Variants in ITGB4 observed in about 807,000 individuals in gnomAD.
ITGB4 encodes the protein integrin subunit beta 4, also known as integrin beta-4.
In ITGB4, 159 loss-of-function variants were observed where a neutral mutation model predicts 207.6. The observed-to-expected ratio is 0.77, with a 90% CI of 0.67 to 0.87. The LOEUF (loss-of-function observed/expected upper bound fraction) is 0.87. Ranked by LOEUF, ITGB4 falls within the 40% of genes least tolerant of loss-of-function variation. ITGB4 has a pLI of 0.00. For missense variants in ITGB4, 2,278 were observed against 2,546.8 expected, an observed-to-expected ratio of 0.89 and a Z score of 2.27; for synonymous variants, 1,020 against 1,062.7, an observed-to-expected ratio of 0.96 and a Z score of 0.78.
rs754928796 is a variant in ITGB4 at position 75,728,454 on chromosome 17, A to G, written c.547A>G (p.Thr183Ala). ...TGTGGACAAAGTCAGCGTCCCGCAGACGGACATGAGGCCTGAGAAGTAAGT... is the reference window on the plus strand; with the variant it reads ...TGTGGACAAAGTCAGCGTCCCGCAGGCGGACATGAGGCCTGAGAAGTAAGT... ...KFVDKVSVPQ[T>A]DMRPEKLKEP... Residue 183 changes from threonine to alanine, a missense_variant, in exon 6 of 40, where the codon ACG (threonine) becomes GCG (alanine). Physicochemically the swap from Thr to Ala is moderately conservative, Grantham distance 58 (BLOSUM62 0). Transcript: ENST00000200181. The G allele has an allele frequency of 1.2e-6, 2 of 1,613,942 alleles. No homozygotes were observed.
Position 75,722,923 on chromosome 17 carries a change from T to TAC in ITGB4, c.-11+1311_-11+1312insAC, listed in dbSNP as rs1487296418. 6.6e-6 allele frequency among the ~76,000 whole-genome samples: 1 copy of TAC among 152,020 alleles called. No individual in the cohort carries two copies. Among genetic ancestry groups the TAC allele is most frequent in the Non-Finnish European group, 1.5e-5 (1 of 67,980 alleles). On this transcript the variant is annotated intron_variant, in intron 1 of 39. Transcript: ENST00000200181. This position sits in a 1 kb window ranked among gnomAD's most constrained non-coding sequence, Gnocchi z 6.2. ...GTCCGGGCCGCCTGGAGAGTAGGTG[T>TAC]CCTGAGCGCTGGGCCCAGCCCATCG...
rs746615673 is a variant in ITGB4, at chr17:75,737,529, C to T, written c.2114-9C>T. ...CAGGCACCACCTCCCCCTGCCTCCT[C>T]CTCTCCAGACTGCCCTCCGGGCTCC... is the stretch of plus-strand genomic sequence containing the variant. On this transcript the variant is annotated splice_polypyrimidine_tract_variant and intron_variant, in intron 17 of 39. Transcript: ENST00000200181. 50 of 1,565,638 alleles carry T rather than the reference C, an allele frequency of 3.2e-5. No individual in the cohort carries two copies. The highest frequency in any genetic ancestry group is 4.2e-5 in the Non-Finnish European group (49 of 1,155,808).
In ITGB4 at chr17:75,729,959, A is replaced by C. The variant is rs1779821897; in HGVS notation, c.739-282A>C. Among the ~76,000 whole-genome samples the C allele has an allele frequency of 6.6e-6, 1 of 152,212 alleles. No individual in the cohort carries two copies. Among genetic ancestry groups the C allele is most frequent in the Admixed American group, 6.5e-5 (1 of 15,286 alleles). ...AGGATTTGAGACCAGCCTGGGAAACATGGCAAGACCCTGTCTCTACAGAAA... is the reference window on the plus strand; with the variant it reads ...AGGATTTGAGACCAGCCTGGGAAACCTGGCAAGACCCTGTCTCTACAGAAA... On this transcript the variant is annotated intron_variant, in intron 7 of 39. Coordinates refer to ENST00000200181, the MANE Select transcript of ITGB4 (RefSeq NM_000213.5). The surrounding 1 kb of genome is among the most constrained non-coding windows in gnomAD (Gnocchi z 4.4).
intron 26 of ITGB4, among the ~76,000 whole-genome samples, chr17:75,747,486 A>G (rs1021670724): frequency 6.6e-6 from 1 of 152,224 alleles, no homozygotes; most frequent in Non-Finnish European, 1.5e-5. Flanking sequence ...CCCAAAAAAT[A>G]TATAAAATAA....
At chr17:75,723,834 A>G (rs2060663969) in intron 1 of ITGB4, among the ~76,000 whole-genome samples, 1 of 152,260 alleles carries the variant, frequency 6.6e-6, no homozygotes, top group Admixed American at 6.5e-5. Context: ...CCGGCCTTGC[A>G]GGCCTGGATG....
In ITGB4 at chr17:75,731,188, T is replaced by C. The variant is rs2060848191; in HGVS notation, c.1093-58T>C. ...GCATGATGCCAGCCACACTTGGAGG[T>C]TGGGGTGGAGCACAGAGGCCCCCCA... On this transcript the variant is annotated intron_variant, in intron 9 of 39. Transcript: ENST00000200181. The surrounding 1 kb of genome is among the most constrained non-coding windows in gnomAD (Gnocchi z 6.8). 6.2e-7 allele frequency: 1 copy of C among 1,611,866 alleles called. No individual in the cohort carries two copies.
Position 75,750,538 on chromosome 17 carries a change from G to A in ITGB4, c.3475-142G>A, listed in dbSNP as rs1016701832. 35 of 855,210 alleles carry A rather than the reference G, an allele frequency of 4.1e-5. No individual in the cohort carries two copies. Among genetic ancestry groups the A allele is most frequent in the African/African-American group, 3.3e-4 (20 of 59,934 alleles). The allele number at this position is 855,210 out of a possible 1,614,324, so 53.0% of individuals were successfully genotyped here. A position where few individuals can be genotyped will look rare whatever the true frequency, so the allele number is the denominator to read the frequency against. On this transcript the variant is annotated intron_variant, in intron 28 of 39. Transcript: ENST00000200181. This position sits in a 1 kb window ranked among gnomAD's most constrained non-coding sequence, Gnocchi z 5.5. Reference sequence around the variant, plus strand: ...CCACCTGCTCTGCCCTAGTCCTGACGTGTGCACATGGCAGATCTCTCAGCC... The same window carrying A: ...CCACCTGCTCTGCCCTAGTCCTGACATGTGCACATGGCAGATCTCTCAGCC...
rs184326421 is a variant in ITGB4 at position 75,756,682 on chromosome 17, G to A, written c.4898-22G>A. 7.7e-5 allele frequency: 124 copies of A among 1,613,344 alleles called. No individual in the cohort carries two copies. The African/African-American group carries it at 1.5e-3, about 19-fold the overall frequency. On this transcript the variant is annotated intron_variant, in intron 36 of 39. Coordinates refer to ENST00000200181, the MANE Select transcript of ITGB4 (RefSeq NM_000213.5). ...GCCCACCACCCACCCACAGGCTGAT[G>A]CTCTTCCTCTACTGCCCCCAGGCTC... is the stretch of plus-strand genomic sequence containing the variant.
At chr17:75,730,633 C>A in intron 8 of ITGB4, 129 bp downstream of exon 8, 1 of 1,122,852 alleles carries the variant, frequency 8.9e-7, no homozygotes, top group Non-Finnish European at 1.3e-6. Context: ...TCTTTTCCTC[C>A]CTTTCCTTCC....
At chr17:75,748,065 CT>C (rs890002028) in intron 26 of ITGB4, among the ~76,000 whole-genome samples, 1 of 152,048 alleles carries the variant, frequency 6.6e-6, no homozygotes, top group Non-Finnish European at 1.5e-5. Flanking sequence ...CTCAGGCATG[CT>C]CCACGGCACT....
At chr17:75,730,558 A>T in intron 8 of ITGB4, 54 bp downstream of exon 8, 1 of 1,594,762 alleles carries the variant, frequency 6.3e-7, no homozygotes, top group Non-Finnish European at 8.6e-7. Context: ...GGGTCCATGG[A>T]GCTTCTCAGA....
rs1460881473 is a variant in ITGB4 at position 75,740,443 on chromosome 17, C to T, written c.2532C>T (p.Arg844=). 1.1e-5 allele frequency: 18 copies of T among 1,613,504 alleles called. No homozygotes were observed. Among genetic ancestry groups the T allele is most frequent in the Non-Finnish European group, 1.5e-5 (18 of 1,179,948 alleles). ...ACACTCGGGAGTGCGCCCAGCTGCG[C>T]CAGGAGGTGGAGGAGAACGTAAGGA... ...KPDTRECAQL[R]QEVEENLNEV... Residue 844 remains arginine, a synonymous_variant, in exon 21 of 40, where the codon CGC becomes CGT. Transcript: ENST00000200181. The surrounding 1 kb of genome is among the most constrained non-coding windows in gnomAD (Gnocchi z 5.9).
rs539761983 is a variant in ITGB4 at position 75,732,605 on chromosome 17, G to A, written c.1454+366G>A. Among the ~76,000 whole-genome samples the A allele has an allele frequency of 9.2e-5, 14 of 152,202 alleles. No homozygotes were observed. Among genetic ancestry groups the A allele is most frequent in the Non-Finnish European group, 1.3e-4 (9 of 68,014 alleles). ...ATCAGAAGAGAGCTCGTAAATGCAC[G>A]GCAGTAAGGGCTTTAGCTTCAGGAC... On this transcript the variant is annotated intron_variant, in intron 12 of 39. Transcript: ENST00000200181. The surrounding 1 kb of genome is among the most constrained non-coding windows in gnomAD (Gnocchi z 5.3).
chr17:75,727,107 C>T lies in ITGB4; in HGVS notation c.80-88C>T, dbSNP rs1471037538. On this transcript the variant is annotated intron_variant, in intron 2 of 39. Coordinates refer to ENST00000200181, the MANE Select transcript of ITGB4 (RefSeq NM_000213.5). The surrounding 1 kb of genome is among the most constrained non-coding windows in gnomAD (Gnocchi z 6.0). ...AAATAAATAACATAAGGAGGGAATC[C>T]CCATCTCTCCAGGTGAAGGTGCAGG... is the stretch of plus-strand genomic sequence containing the variant. 5 of 972,464 alleles carry T rather than the reference C, an allele frequency of 5.1e-6. No homozygotes were observed. In the African/African-American group the frequency reaches 8.1e-5, roughly 16 times the overall value. The allele number at this position is 972,464 out of a possible 1,614,324, so 60.2% of individuals were successfully genotyped here. A position where few individuals can be genotyped will look rare whatever the true frequency, so the allele number is the denominator to read the frequency against.
chr17:75,731,935 G>A lies in ITGB4; in HGVS notation c.1339G>A (p.Asp447Asn), dbSNP rs2060869516. Residue 447 changes from aspartate (D) to asparagine (N), a missense_variant, in exon 11 of 40, where the codon GAC becomes AAC. Transcript: ENST00000200181. The surrounding 1 kb of genome is among the most constrained non-coding windows in gnomAD (Gnocchi z 6.8). The stretch of plus-strand genomic sequence containing the variant: ...TTCCTTCTCCGACGGCCTCAAGATG[G>A]ACGCGGGCATCATCTGTGATGTGTG... The part of the protein sequence containing the change: ...KPSFSDGLKM[D>N]AGIICDVCTC... The A allele has an allele frequency of 1.2e-6, 2 of 1,614,082 alleles. No individual in the cohort carries two copies. The highest frequency in any genetic ancestry group is 4.5e-5 in the East Asian group (2 of 44,888).
intron 26 of ITGB4, among the ~76,000 whole-genome samples, chr17:75,746,929 C>CAAAA (rs56351330): frequency 4.2e-5 from 3 of 70,834 alleles, no homozygotes; most frequent in Non-Finnish European, 8.5e-5. Context: ...ACCCCTGTCT[C>CAAAA]AAAAAAAAAA....
In ITGB4 at chr17:75,756,734, C is replaced by T; in HGVS notation, c.4928C>T (p.Ala1643Val). The change falls in exon 37 of 40, where the codon GCC becomes GTC. Residue 1643 changes from alanine (A) to valine (V), a missense_variant. By Grantham distance (64) the Ala-to-Val change is moderately conservative. Transcript: ENST00000200181. ...GSAFTLSTPSAPGPLVFTALS... is the reference protein window; with the variant it reads ...GSAFTLSTPSVPGPLVFTALS... ...GCCTTCACTTTGAGCACTCCCAGTG[C>T]CCCAGGCCCGCTGGTGTTCACTGCC... 2 of 1,613,240 alleles carry T rather than the reference C, an allele frequency of 1.2e-6. No individual in the cohort carries two copies. The highest frequency in any genetic ancestry group is 1.7e-6 in the Non-Finnish European group (2 of 1,180,008).
chr17:75,752,824 T>C (rs2061399580), intron 32 of ITGB4, among the ~76,000 whole-genome samples: 1 of 152,016 alleles, frequency 6.6e-6, no homozygotes, highest in Non-Finnish European at 1.5e-5. Context: ...GAAACACAGC[T>C]TCACAAGTTG....
At chr17:75,743,087 A>T (rs1599275044) in intron 25 of ITGB4, among the ~76,000 whole-genome samples, 1 of 151,498 alleles carries the variant, frequency 6.6e-6, no homozygotes, top group African/African-American at 2.4e-5. Context: ...CCCTCCTCCC[A>T]CCTGTGCCGG....
Sources: allele counts gnomAD v4.1 joint callset (sites outside exome capture counted in the v4.1 genomes callset), GRCh38; gene constraint gnomAD v4.1.1; non-coding constraint Gnocchi (gnomAD v3.1); transcripts MANE v1.5; gene names NCBI Gene and HGNC (gene_info 2026-07-23, HGNC 2026-07-21).